Variants in PTPRD observed in about 807,000 individuals in gnomAD.
PTPRD encodes receptor-type tyrosine-protein phosphatase delta.
A neutral mutation model predicts 214.5 loss-of-function variants in PTPRD; 34 were observed. The observed-to-expected ratio is 0.16, with a 90% CI of 0.12 to 0.21. PTPRD has a LOEUF of 0.21. PTPRD is among the 10% of genes least tolerant of loss of function. The probability of loss-of-function intolerance (pLI) is 1.00; values close to 1 mark genes in which losing one functional copy is unlikely to be tolerated. For synonymous variants in PTPRD, 1,128 were observed against 845.7 expected (o/e 1.33, Z -5.79); for missense variants, 2,545 against 2,398.7 (o/e 1.06, Z -1.27).
Position 8,341,107 on chromosome 9 carries a change from A to G in PTPRD, c.5109T>C (p.Ser1703=), listed in dbSNP as rs1354653576. 2 of 1,609,738 alleles carry G rather than the reference A, an allele frequency of 1.2e-6. No homozygotes were observed. Among genetic ancestry groups the G allele is most frequent in the African/African-American group, 2.7e-5 (2 of 74,636 alleles). The part of the protein sequence containing the change: ...GVEGSDYINA[S]FIDGYRQQKA... Reference sequence around the variant, plus strand: ...GTAGATACCTGTATCCATCAATAAAACTGGCATTGATGTAATCAGATCCTT... The same window carrying G: ...GTAGATACCTGTATCCATCAATAAAGCTGGCATTGATGTAATCAGATCCTT... The change falls in exon 41 of 46, where the codon AGT becomes AGC. Residue 1703 remains serine (S), a synonymous_variant. Coordinates refer to ENST00000381196, the MANE Select transcript of PTPRD (RefSeq NM_002839.4).
At chr9:8,445,504 T>C (rs200096239) in intron 34 of PTPRD, among the ~76,000 whole-genome samples, 3 of 152,308 alleles carry the variant, frequency 2.0e-5, no homozygotes, top group East Asian at 1.9e-4. Context: ...TTTTAAAGTA[T>C]ACTTTAATAA....
intron 5 of PTPRD, among the ~76,000 whole-genome samples, chr9:9,810,823 T>C (rs570270934): frequency 4.6e-5 from 7 of 151,952 alleles, no homozygotes; most frequent in Admixed American, 3.9e-4. Flanking sequence ...CTGCCATAGA[T>C]AGTGACTCTT....
chr9:9,448,301 AGGAG>A (rs2091108856), intron 8 of PTPRD, among the ~76,000 whole-genome samples: 1 of 152,012 alleles, frequency 6.6e-6, no homozygotes, highest in Non-Finnish European at 1.5e-5. Context: ...TCCCCACACG[AGGAG>A]GGAGGGACCT....
At chr9:9,640,334 G>A (rs1023120648) in intron 7 of PTPRD, among the ~76,000 whole-genome samples, 14 of 152,312 alleles carry the variant, frequency 9.2e-5, no homozygotes, top group Admixed American at 5.9e-4. Context: ...AAGATCCTAA[G>A]TCTGGTGTAG....
chr9:10,171,537 T>G (rs1469405226), intron 3 of PTPRD, among the ~76,000 whole-genome samples: 1 of 152,186 alleles, frequency 6.6e-6, no homozygotes, highest in African/African-American at 2.4e-5. Context: ...TTTATTTTTA[T>G]TTTTTGAGAC....
intron 32 of PTPRD, 99 bp from the exon 33 acceptor site, chr9:8,460,670 T>G: frequency 8.2e-7 from 1 of 1,225,526 alleles, no homozygotes; most frequent in Non-Finnish European, 1.1e-6. Context: ...AATAGTGGAT[T>G]TAATGATAAG....
chr9:8,751,792 T>A (rs2093560954), intron 11 of PTPRD, among the ~76,000 whole-genome samples: 1 of 152,246 alleles, frequency 6.6e-6, no homozygotes, highest in Admixed American at 6.5e-5. Context: ...GATTTGAGAC[T>A]ACCAGTATTT....
intron 5 of PTPRD, among the ~76,000 whole-genome samples, chr9:9,790,269 A>T (rs928928221): frequency 6.6e-6 from 1 of 152,202 alleles, no homozygotes; most frequent in Admixed American, 6.5e-5. Flanking sequence ...GAGAAAAAAT[A>T]TGGCAAAGAA....
intron 14 of PTPRD, among the ~76,000 whole-genome samples, chr9:8,585,274 G>T (rs2093553348): frequency 1.3e-5 from 2 of 152,136 alleles, no homozygotes; most frequent in African/African-American, 4.8e-5. Context: ...CTTGAAGATA[G>T]ATGGAAACAA....
chr9:9,621,246 G>A (rs1289348955), intron 7 of PTPRD, among the ~76,000 whole-genome samples: 2 of 152,032 alleles, frequency 1.3e-5, no homozygotes, highest in African/African-American at 2.4e-5. Flanking sequence ...TTATCTAACA[G>A]TGGATATTAG....
At chr9:10,543,550 A>G (rs1390669626) in intron 2 of PTPRD, among the ~76,000 whole-genome samples, 1 of 152,106 alleles carries the variant, frequency 6.6e-6, no homozygotes, top group Non-Finnish European at 1.5e-5. Context: ...ATATATGTAA[A>G]TATATGTTTA....
At chr9:9,406,492 C>A (rs2073424056) in intron 8 of PTPRD, among the ~76,000 whole-genome samples, 2 of 151,920 alleles carry the variant, frequency 1.3e-5, no homozygotes, top group African/African-American at 4.8e-5. Flanking sequence ...TCTACCTTTT[C>A]ACTGAAATCA....
intron 2 of PTPRD, among the ~76,000 whole-genome samples, chr9:10,494,412 T>C (rs1272316209): frequency 6.6e-6 from 1 of 151,800 alleles, no homozygotes; most frequent in African/African-American, 2.4e-5. Context: ...TATATGTACA[T>C]AGCTTTATAA....
chr9:9,609,214 T>G (rs910260289), intron 7 of PTPRD, among the ~76,000 whole-genome samples: 1 of 152,136 alleles, frequency 6.6e-6, no homozygotes, highest in Non-Finnish European at 1.5e-5. Context: ...AGCCCAATAT[T>G]TAAAAACTCA....
chr9:10,117,595 A>G (rs1024598478), intron 3 of PTPRD, among the ~76,000 whole-genome samples: 2 of 130,298 alleles, frequency 1.5e-5, no homozygotes, highest in African/African-American at 5.7e-5. Context: ...TCTTCCCTGT[A>G]TGGATTAAAT....
chr9:8,567,485 C>A (rs1473532093), intron 14 of PTPRD, among the ~76,000 whole-genome samples: 2 of 152,180 alleles, frequency 1.3e-5, no homozygotes, highest in African/African-American at 4.8e-5. Context: ...TTGCAGTGAT[C>A]TGGGAAAGCA....
At chr9:8,613,225 A>G (rs115915214) in intron 14 of PTPRD, among the ~76,000 whole-genome samples, 222 of 152,336 alleles carry the variant, frequency 1.5e-3, no homozygotes, top group African/African-American at 5.1e-3. Context: ...AAGCACATGT[A>G]GATTAAGACA....
chr9:9,866,399 T>C (rs1171239573), intron 5 of PTPRD, among the ~76,000 whole-genome samples: 2 of 152,134 alleles, frequency 1.3e-5, no homozygotes, highest in Non-Finnish European at 2.9e-5. Context: ...AGACATGTAA[T>C]GTGGTGGCCA....
chr9:8,444,247 T>C lies in PTPRD; in HGVS notation c.3988+5478A>G, dbSNP rs79477941. 5.2e-3 allele frequency among the ~76,000 whole-genome samples: 786 copies of C among 152,266 alleles called. 5 individuals are homozygous for C. Among genetic ancestry groups the C allele is most frequent in the African/African-American group, 0.018 (733 of 41,572 alleles). ...ATGAGTTAATACATTTTGATATCTA[T>C]AGAACTGACTACCATCATTGTCATT... On this transcript the variant is annotated intron_variant, in intron 34 of 45. Transcript: ENST00000381196.
Sources: allele counts gnomAD v4.1 joint callset (sites outside exome capture counted in the v4.1 genomes callset), GRCh38; gene constraint gnomAD v4.1.1; transcripts MANE v1.5; gene names NCBI Gene and HGNC (gene_info 2026-07-23, HGNC 2026-07-21).